Variants in COPB2 observed in about 807,000 individuals in gnomAD.
The protein encoded by COPB2 is coatomer subunit beta'.
COPB2 carries 16 observed loss-of-function variants against 120.8 expected under a neutral mutation model. That is an observed-to-expected ratio of 0.13 (90% CI 0.09 to 0.20). The LOEUF (loss-of-function observed/expected upper bound fraction) is 0.20. Ranked by LOEUF, COPB2 falls within the 10% of genes least tolerant of loss-of-function variation. COPB2 has a pLI of 1.00. For synonymous variants in COPB2, 332 were observed against 366.3 expected (o/e 0.91, Z 1.07); for missense variants, 794 against 1,076.5 (o/e 0.74, Z 3.67).
At chr3:139,359,572 TACTTA>T (rs772081714) in intron 17 of COPB2, among the ~76,000 whole-genome samples, 115 of 152,318 alleles carry the variant, frequency 7.5e-4, no homozygotes, top group African/African-American at 2.5e-3. Flanking sequence ...ACTTTGAATC[TACTTA>T]ACTTAATTAT....
chr3:139,378,725 A>G (rs1479030308), intron 4 of COPB2, among the ~76,000 whole-genome samples: 1 of 152,242 alleles, frequency 6.6e-6, no homozygotes, highest in Non-Finnish European at 1.5e-5. Flanking sequence ...ATTGAACTGA[A>G]TAGGGTCTAT....
At position 139,375,620 on chromosome 3, in the gene COPB2, G is replaced by A. The variant is rs376708835; in HGVS notation, c.505-6C>T. On this transcript the variant is annotated splice_polypyrimidine_tract_variant and splice_region_variant and intron_variant, in intron 5 of 21. Transcript: ENST00000333188. ...GAAGAGCCCAACTGCCACACCTGCAGAGAGAAACAGCATCGGCCAGTCAAT... is the reference window on the plus strand; with the variant it reads ...GAAGAGCCCAACTGCCACACCTGCAAAGAGAAACAGCATCGGCCAGTCAAT... The A allele has an allele frequency of 5.0e-5, 80 of 1,613,262 alleles. No individual in the cohort carries two copies. In the African/African-American group the frequency reaches 9.6e-4, roughly 19 times the overall value.
chr3:139,365,744 G>C (rs1298266286), intron 15 of COPB2, among the ~76,000 whole-genome samples: 1 of 152,042 alleles, frequency 6.6e-6, no homozygotes, highest in Non-Finnish European at 1.5e-5. Flanking sequence ...CAGGTACATA[G>C]AAAATTAAGC....
intron 2 of COPB2, chr3:139,379,677 G>A: frequency 4.0e-6 from 2 of 505,734 alleles, no homozygotes; most frequent in Non-Finnish European, 7.0e-6. Context: ...AAAGATAAGA[G>A]AAGGCAAATA....
Position 139,383,377 on chromosome 3 carries a change from A to G in COPB2, c.62T>C (p.Val21Ala), listed in dbSNP as rs2107810351. The change falls in exon 2 of 22, where the codon GTG becomes GCG. Residue 21 changes from valine (V) to alanine (A), a missense_variant. Transcript: ENST00000333188. ...CCATGGCTCTGTAGGATGCAGATCC[A>G]CACTCTTAACTCGATCAGATCTAGC... ...LTARSDRVKS[V>A]DLHPTEPWML... 6.2e-7 allele frequency: 1 copy of G among 1,613,896 alleles called. No individual in the cohort carries two copies. Among genetic ancestry groups the G allele is most frequent in the South Asian group, 1.1e-5 (1 of 91,044 alleles).
intron 1 of COPB2, among the ~76,000 whole-genome samples, chr3:139,388,838 C>T (rs192633870): frequency 6.7e-6 from 1 of 149,714 alleles, no homozygotes; most frequent in African/African-American, 2.5e-5. Context: ...GGAAGATATT[C>T]TTATACTATC....
At chr3:139,382,279 G>A (rs1292785190) in intron 2 of COPB2, 3 of 152,136 alleles carry the variant, frequency 2.0e-5, no homozygotes, top group African/African-American at 7.2e-5. Flanking sequence ...AAAAGTGTGT[G>A]GCACTTCCCA....
At chr3:139,368,047 T>C in intron 13 of COPB2, 98 bp downstream of exon 13, 1 of 1,357,584 alleles carries the variant, frequency 7.4e-7, no homozygotes, top group East Asian at 2.5e-5. Flanking sequence ...TCCCTACACC[T>C]AATTTATAAC....
chr3:139,378,274 T>TA, intron 4 of COPB2, 85 bp from the exon 5 acceptor site: 1 of 1,272,742 alleles, frequency 7.9e-7, no homozygotes. Context: ...GAAGCAAACC[T>TA]AACACAAACC....
rs754852086 is a variant in COPB2, at chr3:139,358,261, CCAT to C, written c.2561_2563del (p.Asp854del). On this transcript the variant is annotated inframe_deletion, in exon 21 of 22. Transcript: ENST00000333188. ...AACCGGAGTAGGAGAAGCAGGTTTC[CCAT>C]CAAGTTCCTGAAACCACAAGTGAAG... 3.7e-6 allele frequency: 6 copies of C among 1,613,862 alleles called. No homozygotes were observed. The East Asian group carries it at 8.9e-5, about 24-fold the overall frequency.
intron 17 of COPB2, 58 bp downstream of exon 17, chr3:139,361,023 C>A: frequency 6.4e-7 from 1 of 1,567,496 alleles, no homozygotes; most frequent in African/African-American, 1.3e-5. Flanking sequence ...TTCTTCACTT[C>A]CCTCTCCAAA....
intron 1 of COPB2, among the ~76,000 whole-genome samples, chr3:139,387,972 G>A (rs1267466158): frequency 1.3e-5 from 2 of 152,142 alleles, no homozygotes; most frequent in Non-Finnish European, 2.9e-5. Flanking sequence ...GTGCATGGCA[G>A]ACACTAAATA....
intron 17 of COPB2, among the ~76,000 whole-genome samples, chr3:139,360,501 G>A (rs1452680346): frequency 2.3e-5 from 3 of 130,672 alleles, no homozygotes; most frequent in Non-Finnish European, 1.6e-5. Flanking sequence ...CTGGGCAACA[G>A]AGTGAGATTC....
Position 139,357,635 on chromosome 3 carries a change from A to C in COPB2, c.*228T>G, listed in dbSNP as rs1422178761. 2.7e-6 allele frequency: 1 copy of C among 375,690 alleles called. No homozygotes were observed. Among genetic ancestry groups the C allele is most frequent in the Non-Finnish European group, 4.7e-6 (1 of 211,666 alleles). 23.3% of individuals were successfully genotyped at this position (375,690 alleles called of 1,614,324 possible). On this transcript the variant is annotated 3_prime_UTR_variant, in exon 22 of 22. Transcript: ENST00000333188. ...GAGATATGGTCTAATAGTATGAAAA[A>C]AATCAAAGCCCATGTCTGTTTTAGT...
chr3:139,361,311 T>G lies in COPB2; in HGVS notation c.1996-16A>C, dbSNP rs1175003312. 1 of 1,604,748 alleles carries G rather than the reference T, an allele frequency of 6.2e-7. No individual in the cohort carries two copies. The highest frequency in any genetic ancestry group is 1.7e-5 in the Admixed American group (1 of 59,530). On this transcript the variant is annotated splice_polypyrimidine_tract_variant and intron_variant, in intron 16 of 21. Transcript: ENST00000333188. ...TCTGTTCTGACTGTAAGAAAAGAGTTTCCAAGTTAAAATATCTTTAGAAAT... is the reference window on the plus strand; with the variant it reads ...TCTGTTCTGACTGTAAGAAAAGAGTGTCCAAGTTAAAATATCTTTAGAAAT...
chr3:139,373,740 C>G lies in COPB2; in HGVS notation c.820G>C (p.Val274Leu). The change falls in exon 8 of 22, where the codon GTA becomes CTA. Residue 274 changes from valine to leucine, a missense_variant. Val to Leu is a conservative substitution (Grantham distance 32). This residue lies in a region of COPB2 where 610 missense variants were observed against 866.7 expected (regional missense o/e 0.70). Coordinates refer to ENST00000333188, the MANE Select transcript of COPB2 (RefSeq NM_004766.3). ...ESTLNYGMER[V>L]WCVASLRGSN... ...CCTCTTAGACTGGCCACGCACCATACCCTCTCCATTCCATAATTCAGTGTG... is the reference window on the plus strand; with the variant it reads ...CCTCTTAGACTGGCCACGCACCATAGCCTCTCCATTCCATAATTCAGTGTG... The G allele has an allele frequency of 6.2e-7, 1 of 1,614,136 alleles. No homozygotes were observed. The highest frequency in any genetic ancestry group is 2.2e-5 in the East Asian group (1 of 44,866).
intron 20 of COPB2, chr3:139,358,501 AC>A (rs563768220): frequency 1.8e-4 from 109 of 599,838 alleles, no homozygotes; most frequent in African/African-American, 1.7e-3. Context: ...ATGCAGTGAA[AC>A]CCTGTCTCTA....
rs1421413528 is a variant in COPB2, at chr3:139,378,119, G to A, written c.426C>T (p.Thr142=). 1.3e-6 allele frequency: 2 copies of A among 1,592,086 alleles called. No individual in the cohort carries two copies. The highest frequency in any genetic ancestry group is 1.7e-6 in the Non-Finnish European group (2 of 1,164,098). The change falls in exon 5 of 22, where the codon ACC becomes ACT. Residue 142 remains threonine (T), a synonymous_variant. Coordinates refer to ENST00000333188, the MANE Select transcript of COPB2 (RefSeq NM_004766.3). ...TGATCACAATCTGCATAACATAATG[G>A]GTGTGTCCTTCAAACACTTGTGAGC... is the stretch of plus-strand genomic sequence containing the variant. ...WSCSQVFEGH[T]HYVMQIVINP...
At chr3:139,359,960 G>A (rs1941379309) in intron 17 of COPB2, among the ~76,000 whole-genome samples, 1 of 152,096 alleles carries the variant, frequency 6.6e-6, no homozygotes, top group Non-Finnish European at 1.5e-5. Flanking sequence ...ACATAGGAAT[G>A]TTAAATGCAA....
Sources: gnomAD v4.1 joint callset for allele counts (sites outside exome capture counted in the v4.1 genomes callset) on GRCh38, gnomAD v4.1.1 for gene constraint, gnomAD v4.1.1 regional missense constraint, MANE v1.5 for transcripts, NCBI Gene and HGNC (gene_info 2026-07-23, HGNC 2026-07-21) for gene names.